The following RBFOX1 variants were observed in gnomAD, a reference collection of about 807,000 sequenced individuals.
RBFOX1 encodes the protein RNA binding protein fox-1 homolog 1.
RBFOX1 carries 8 observed loss-of-function variants against 57.7 expected under a neutral mutation model. That is an observed-to-expected ratio of 0.14 (90% CI 0.08 to 0.25). RBFOX1 has a LOEUF of 0.25. RBFOX1 is among the 10% of genes least tolerant of loss of function. The probability of loss-of-function intolerance (pLI) is 1.00; values close to 1 mark genes in which losing one functional copy is unlikely to be tolerated. For synonymous variants in RBFOX1, 326 were observed against 222.4 expected, an observed-to-expected ratio of 1.47 and a Z score of -4.15; for missense variants, 611 against 548.5, an observed-to-expected ratio of 1.11 and a Z score of -1.14.
At chr16:7,424,061 G>C (rs2098578775) in intron 4 of RBFOX1, among the ~76,000 whole-genome samples, 2 of 152,096 alleles carry the variant, frequency 1.3e-5, no homozygotes, top group South Asian at 2.1e-4. Context: ...AATCTTCCAA[G>C]CTGATTATTT....
At chr16:7,607,240 G>A (rs1373408621) in intron 9 of RBFOX1, 45 bp from the exon 10 acceptor site, 3 of 1,528,628 alleles carry the variant, frequency 2.0e-6, no homozygotes, top group Admixed American at 1.9e-5. Context: ...TATATAAGAT[G>A]TTGAATCAAA....
chr16:7,205,756 A>T (rs1420026054), intron 4 of RBFOX1, among the ~76,000 whole-genome samples: 1 of 152,202 alleles, frequency 6.6e-6, no homozygotes, highest in Admixed American at 6.5e-5. Flanking sequence ...AGTCTTTGAA[A>T]AGGGCAAAAG....
intron 3 of RBFOX1, among the ~76,000 whole-genome samples, chr16:6,858,830 T>A (rs1044207832): frequency 1.1e-4 from 16 of 152,138 alleles, no homozygotes; most frequent in African/African-American, 3.9e-4. Context: ...GTTAGAAGTA[T>A]AATCTTCAAT....
At chr16:7,562,506 T>C (rs7191941) in intron 5 of RBFOX1, among the ~76,000 whole-genome samples, 25,685 of 152,068 alleles carry the variant, frequency 0.17, 2,510 homozygotes, top group South Asian at 0.29. Flanking sequence ...CTATGGAGAA[T>C]GACAGAGGAT....
intron 4 of RBFOX1, among the ~76,000 whole-genome samples, chr16:7,384,419 T>C (rs1056446641): frequency 7.2e-5 from 11 of 152,132 alleles, no homozygotes; most frequent in Non-Finnish European, 1.3e-4. Context: ...TCTCCTGGTA[T>C]TTTGGTTCTT....
intron 1 of RBFOX1, among the ~76,000 whole-genome samples, chr16:5,408,100 G>A (rs2066913617): frequency 2.0e-5 from 3 of 152,172 alleles, no homozygotes; most frequent in African/African-American, 7.2e-5. Flanking sequence ...TATCTTTGAT[G>A]TGACACACGT....
intron 4 of RBFOX1, among the ~76,000 whole-genome samples, chr16:7,251,171 C>T (rs750875224): frequency 1.7e-4 from 26 of 152,050 alleles, no homozygotes; most frequent in Non-Finnish European, 3.4e-4. Flanking sequence ...CCTCACCAAC[C>T]CCAATCCCAC....
chr16:6,584,340 CATTATTATTATTATTATTATT>C (rs3045200), intron 2 of RBFOX1, among the ~76,000 whole-genome samples: 5 of 136,786 alleles, frequency 3.7e-5, no homozygotes, highest in South Asian at 2.5e-4. Flanking sequence ...GTTTTATTTT[CATTATTATTATTATTATTATT>C]ATTATTATTA....
chr16:6,103,446 CTGT>C (rs773065323), intron 1 of RBFOX1, among the ~76,000 whole-genome samples: 24 of 152,198 alleles, frequency 1.6e-4, no homozygotes, highest in Non-Finnish European at 3.5e-4. Flanking sequence ...TTTATTATTA[CTGT>C]TGTTGTCAGT....
intron 4 of RBFOX1, among the ~76,000 whole-genome samples, chr16:7,315,242 A>C (rs1483489698): frequency 1.3e-5 from 2 of 152,162 alleles, no homozygotes; most frequent in Non-Finnish European, 2.9e-5. Context: ...GGTAAAACAG[A>C]ATATTTAGAA....
At position 5,998,984 on chromosome 16, in the gene RBFOX1, G is replaced by A. The variant is rs564925178; in HGVS notation, c.351+131649G>A. ...TTTCCCAGTCCAAAAAAATCTATGTGGATGAACTGTTATGGGAAACATTTA... is the reference window on the plus strand; with the variant it reads ...TTTCCCAGTCCAAAAAAATCTATGTAGATGAACTGTTATGGGAAACATTTA... On this transcript the variant is annotated intron_variant, in intron 4 of 19. Transcript: ENST00000641259. Among the ~76,000 whole-genome samples the A allele has an allele frequency of 2.0e-5, 3 of 152,216 alleles. No homozygotes were observed. The South Asian group carries it at 6.2e-4, about 32-fold the overall frequency.
chr16:6,674,364 C>G (rs1340045966), intron 3 of RBFOX1, among the ~76,000 whole-genome samples: 1 of 151,810 alleles, frequency 6.6e-6, no homozygotes, highest in African/African-American at 2.4e-5. Flanking sequence ...CTCTGTTGCC[C>G]AGGCTGGAGT....
At chr16:7,179,719 C>G (rs766085863) in intron 4 of RBFOX1, among the ~76,000 whole-genome samples, 1 of 151,664 alleles carries the variant, frequency 6.6e-6, no homozygotes, top group East Asian at 1.9e-4. Flanking sequence ...AAAAGAAATT[C>G]ACCATCTTCC....
rs772231726 is a variant in RBFOX1, at chr16:7,579,836, G to A, written c.330G>A (p.Thr110=). The change falls in exon 6 of 16, where the codon ACG becomes ACA. Residue 110 remains threonine, a synonymous_variant. Coordinates refer to ENST00000550418, the MANE Select transcript of RBFOX1 (RefSeq NM_018723.4). ...GQPQTQPSEN[T]ENKSQPKRLH... ...CCCAGACACAACCTTCTGAAAACAC[G>A]GAAAACAAGTCTCAGCCCAAGCGGC... is the stretch of plus-strand genomic sequence containing the variant. 32 of 1,614,018 alleles carry A rather than the reference G, an allele frequency of 2.0e-5. No individual in the cohort carries two copies. The highest frequency in any genetic ancestry group is 4.5e-5 in the East Asian group (2 of 44,842).
chr16:7,081,743 A>G (rs1209761531), intron 4 of RBFOX1, among the ~76,000 whole-genome samples: 2 of 152,186 alleles, frequency 1.3e-5, no homozygotes, highest in Non-Finnish European at 2.9e-5. Context: ...TTTTAAAATT[A>G]TACTGATCAC....
chr16:5,901,335 T>G (rs2058300893), intron 4 of RBFOX1, among the ~76,000 whole-genome samples: 1 of 152,200 alleles, frequency 6.6e-6, no homozygotes. Flanking sequence ...GGGGTTACCT[T>G]TTATAATTCA....
chr16:6,117,330 C>T (rs8048198), intron 1 of RBFOX1, among the ~76,000 whole-genome samples: 9,951 of 152,278 alleles, frequency 0.065, 701 homozygotes, highest in African/African-American at 0.17. Flanking sequence ...CAGAAGACAG[C>T]TTCACCTTCG....
intron 4 of RBFOX1, among the ~76,000 whole-genome samples, chr16:7,513,744 G>A (rs1422792056): frequency 6.6e-6 from 1 of 152,134 alleles, no homozygotes; most frequent in Non-Finnish European, 1.5e-5. Context: ...TTCTTCTGAG[G>A]ACCAGTGAGG....
At chr16:7,077,455 C>G (rs150561320) in intron 4 of RBFOX1, among the ~76,000 whole-genome samples, 1 of 152,078 alleles carries the variant, frequency 6.6e-6, no homozygotes, top group African/African-American at 2.4e-5. Flanking sequence ...GTCTCAAAGA[C>G]GAACTAATCT....
Sources: gnomAD v4.1 joint callset for allele counts (sites outside exome capture counted in the v4.1 genomes callset) on GRCh38, gnomAD v4.1.1 for gene constraint, MANE v1.5 for transcripts, NCBI Gene and HGNC (gene_info 2026-07-23, HGNC 2026-07-21) for gene names.